Variants in VRK3 observed in about 807,000 individuals in gnomAD.
The protein encoded by VRK3 is VRK serine/threonine kinase 3.
VRK3 carries 50 observed loss-of-function variants against 60.4 expected under a neutral mutation model. The observed-to-expected ratio is 0.83, with a 90% CI of 0.66 to 1.05. VRK3 has a LOEUF of 1.05. Among genes scored for constraint, VRK3 ranks in the 50% least tolerant of loss-of-function variants. The pLI is 0.00. For missense variants in VRK3, 549 were observed against 585.3 expected (o/e 0.94, Z 0.64); for synonymous variants, 246 against 227.8 (o/e 1.08, Z -0.72).
At chr19:50,004,212 C>T (rs1376693965) in intron 5 of VRK3, among the ~76,000 whole-genome samples, 1 of 152,100 alleles carries the variant, frequency 6.6e-6, no homozygotes, top group Non-Finnish European at 1.5e-5. Context: ...GGAGGTCAAG[C>T]GTGGTTTCTT....
At chr19:49,999,436 C>G (rs1446491630) in intron 6 of VRK3, 1 of 152,332 alleles carries the variant, frequency 6.6e-6, no homozygotes, top group Non-Finnish European at 1.5e-5. Flanking sequence ...GGAATTGGGT[C>G]TGACCCATCT....
chr19:50,024,772 C>T (rs2077236840), intron 1 of VRK3: 2 of 152,220 alleles, frequency 1.3e-5, no homozygotes, highest in South Asian at 4.1e-4. Context: ...AGACTCCAAC[C>T]CTCAGGCCAG....
At chr19:49,994,337 G>C in intron 9 of VRK3, among the ~76,000 whole-genome samples, 1 of 152,250 alleles carries the variant, frequency 6.6e-6, no homozygotes, top group South Asian at 2.1e-4. Context: ...ACCCAGCCCC[G>C]GGGACAGCGT....
intron 6 of VRK3, chr19:49,997,994 T>C (rs34231555): frequency 0.12 from 18,577 of 154,288 alleles, 1,438 homozygotes; most frequent in East Asian, 0.29. Context: ...GCAGATGTGA[T>C]GGTGGAAGCT....
chr19:49,982,061 G>A (rs958732771), intron 12 of VRK3: 5 of 695,698 alleles, frequency 7.2e-6, no homozygotes, highest in African/African-American at 3.5e-5. Context: ...GCTGCATAAC[G>A]GAGATATCTG....
chr19:49,988,404 G>A lies in VRK3; in HGVS notation c.1185C>T (p.Pro395=). Residue 395 remains proline, a synonymous_variant, in exon 12 of 15, where the codon CCC becomes CCT. Transcript: ENST00000316763. ...TTTGCTTCATGATGTCCTCAGTGTT[G>A]GGAAGGCAATTTGTCCATGGCAGAA... ...YGFLPWTNCL[P]NTEDIMKQKQ... 1 of 1,613,304 alleles carries A rather than the reference G, an allele frequency of 6.2e-7. No individual in the cohort carries two copies. Among genetic ancestry groups the A allele is most frequent in the Non-Finnish European group, 8.5e-7 (1 of 1,179,558 alleles).
At chr19:50,012,066 G>T (rs1362114228) in intron 3 of VRK3, among the ~76,000 whole-genome samples, 1 of 151,938 alleles carries the variant, frequency 6.6e-6, no homozygotes, top group Non-Finnish European at 1.5e-5. Flanking sequence ...CTCCCTTCCG[G>T]GTTCAAGCGA....
At chr19:50,002,157 C>T (rs1214001983) in intron 5 of VRK3, among the ~76,000 whole-genome samples, 1 of 152,158 alleles carries the variant, frequency 6.6e-6, no homozygotes, top group Non-Finnish European at 1.5e-5. Context: ...TGGTGTCCCT[C>T]CTTCCTCTGT....
At chr19:49,991,071 G>C (rs62115169) in intron 10 of VRK3, among the ~76,000 whole-genome samples, 18,361 of 152,160 alleles carry the variant, frequency 0.12, 1,428 homozygotes, top group East Asian at 0.29. Context: ...GGAATTACAG[G>C]TGTGAGCCAC....
chr19:50,010,878 A>G (rs2076983888), intron 3 of VRK3, among the ~76,000 whole-genome samples: 1 of 152,208 alleles, frequency 6.6e-6, no homozygotes. Context: ...ACACCACTGC[A>G]CTCTAGCCTG....
Position 49,989,573 on chromosome 19 carries a change from C to T in VRK3, c.1096+66G>A. The T allele has an allele frequency of 3.9e-6, 6 of 1,544,732 alleles. No homozygotes were observed. The Admixed American group carries it at 1.1e-4, about 28-fold the overall frequency. ...GCCACCTGCTGTCTCTGGCTGTGAA[C>T]TCCTAGAGCTGCCCTTGTATAAGAA... On this transcript the variant is annotated intron_variant, in intron 11 of 14. Transcript: ENST00000316763.
chr19:49,981,797 C>A, intron 12 of VRK3: 2 of 1,018,676 alleles, frequency 2.0e-6, no homozygotes, highest in South Asian at 7.0e-5. Context: ...CACACAGACA[C>A]ACACACACAC....
intron 13 of VRK3, 38 bp downstream of exon 13, chr19:49,980,917 C>G: frequency 6.3e-7 from 1 of 1,587,524 alleles, no homozygotes; most frequent in Non-Finnish European, 8.6e-7. Context: ...CAGGTCCTGC[C>G]CGAGTCCCCG....
chr19:49,986,349 T>C (rs1224357625), intron 12 of VRK3: 1 of 153,052 alleles, frequency 6.5e-6, no homozygotes, highest in East Asian at 1.9e-4. Flanking sequence ...CCACCATATA[T>C]AGTTTAAGGA....
At chr19:50,001,047 T>A (rs575687891) in intron 5 of VRK3, 193 bp from the exon 6 acceptor site, 2 of 578,056 alleles carry the variant, frequency 3.5e-6, no homozygotes. Context: ...TCTGTCACTA[T>A]CCAGCCATGC....
intron 12 of VRK3, among the ~76,000 whole-genome samples, chr19:49,984,482 C>T (rs1457098741): frequency 6.6e-6 from 1 of 152,182 alleles, no homozygotes; most frequent in Non-Finnish European, 1.5e-5. Context: ...CCTCCACCCT[C>T]ACCTGCAGCT....
intron 3 of VRK3, among the ~76,000 whole-genome samples, chr19:50,014,920 T>A (rs1055825172): frequency 6.6e-6 from 1 of 151,878 alleles, no homozygotes; most frequent in African/African-American, 2.4e-5. Context: ...GGCTTCTGCA[T>A]AAGAGAGGTG....
At chr19:49,996,078 C>T (rs58703511) in intron 7 of VRK3, among the ~76,000 whole-genome samples, 18,342 of 152,104 alleles carry the variant, frequency 0.12, 1,421 homozygotes, top group East Asian at 0.29. Context: ...CGTGCCACCA[C>T]ATCCAACTAA....
intron 10 of VRK3, among the ~76,000 whole-genome samples, chr19:49,992,072 G>A (rs2076621103): frequency 2.0e-5 from 3 of 152,292 alleles, no homozygotes; most frequent in East Asian, 3.9e-4. Flanking sequence ...TGAATATATA[G>A]GTAGGACACC....
Sources: allele counts gnomAD v4.1 joint callset (sites outside exome capture counted in the v4.1 genomes callset), GRCh38; gene constraint gnomAD v4.1.1; transcripts MANE v1.5; gene names NCBI Gene and HGNC (gene_info 2026-07-23, HGNC 2026-07-21).